Variants in FGF14 observed in about 807,000 individuals in gnomAD.
FGF14 encodes fibroblast growth factor homologous factor 4.
FGF14 carries 5 observed loss-of-function variants against 25.5 expected under a neutral mutation model. That is an observed-to-expected ratio of 0.20 (90% CI 0.10 to 0.41). FGF14 has a LOEUF of 0.41. Ranked by LOEUF, FGF14 falls within the 10% of genes least tolerant of loss-of-function variation. The pLI, the probability that FGF14 is intolerant of heterozygous loss-of-function variation, is 1.00. For missense variants in FGF14, 222 were observed against 320.1 expected (o/e 0.69, Z 2.34); for synonymous variants, 138 against 118.3 (o/e 1.17, Z -1.08).
intron 1 of FGF14, among the ~76,000 whole-genome samples, chr13:102,071,772 G>A (rs2043163568): frequency 6.6e-6 from 1 of 152,050 alleles, no homozygotes; most frequent in Non-Finnish European, 1.5e-5. Flanking sequence ...AGTGGCAGTT[G>A]TTTCTGTTTT....
rs555648623 is a variant in FGF14 at position 101,872,787 on chromosome 13, C to T, written c.304+2399G>A. Among the ~76,000 whole-genome samples the T allele has an allele frequency of 6.5e-4, 99 of 152,144 alleles. No homozygotes were observed. In the Middle Eastern group the frequency reaches 0.027, roughly 42 times the overall value. On this transcript the variant is annotated intron_variant, in intron 2 of 4. Transcript: ENST00000376143. The stretch of plus-strand genomic sequence containing the variant: ...ATGTTGAAATAGTAACAAAACTAAA[C>T]TAACTGGCTTACAGTGCACTTGAAA...
rs1555358150 is a variant in FGF14 at position 102,101,707 on chromosome 13, C to CA, written c.209-226412_209-226411insT. 6.9e-3 allele frequency among the ~76,000 whole-genome samples: 1,015 copies of CA among 147,770 alleles called. 12 individuals are homozygous for CA. Among genetic ancestry groups the CA allele is most frequent in the African/African-American group, 0.023 (942 of 40,558 alleles). ...TCAACATTCTATCAGTTCCCCCCAA[C>CA]TTTTTTTTTTTCTTTGAGATGGAGT... On this transcript the variant is annotated intron_variant, in intron 1 of 4. Coordinates refer to the FGF14 transcript ENST00000376131.
intron 1 of FGF14, among the ~76,000 whole-genome samples, chr13:102,224,253 C>T (rs1198304744): frequency 6.6e-6 from 1 of 152,134 alleles, no homozygotes; most frequent in African/African-American, 2.4e-5. Flanking sequence ...CCCCGTATTA[C>T]ATCGGCAGGG....
chr13:102,017,211 G>C (rs2040394102), intron 1 of FGF14: 2 of 296,088 alleles, frequency 6.8e-6, no homozygotes, highest in South Asian at 1.1e-4. Flanking sequence ...GTTGATTTTT[G>C]GATGTGTGCT....
At chr13:102,342,574 A>T (rs1365509695) in intron 1 of FGF14, among the ~76,000 whole-genome samples, 1 of 152,186 alleles carries the variant, frequency 6.6e-6, no homozygotes, top group Non-Finnish European at 1.5e-5. Flanking sequence ...TATAATACTG[A>T]ACATACTAAT....
chr13:101,948,058 T>C (rs924183467), intron 1 of FGF14, among the ~76,000 whole-genome samples: 23 of 152,214 alleles, frequency 1.5e-4, no homozygotes, highest in African/African-American at 4.3e-4. Flanking sequence ...TTTGAATGGA[T>C]TTCTACTACC....
intron 1 of FGF14, among the ~76,000 whole-genome samples, chr13:102,246,693 A>G (rs998607851): frequency 6.6e-6 from 1 of 151,996 alleles, no homozygotes; most frequent in Admixed American, 6.6e-5. Flanking sequence ...GTTCCTATCA[A>G]ACTACCAATG....
At chr13:101,789,544 T>C (rs2040110343) in intron 3 of FGF14, among the ~76,000 whole-genome samples, 1 of 152,144 alleles carries the variant, frequency 6.6e-6, no homozygotes. Context: ...ATCATAAAGT[T>C]GATTCATGTA....
At chr13:101,976,061 C>T (rs1324591032) in intron 1 of FGF14, among the ~76,000 whole-genome samples, 1 of 152,036 alleles carries the variant, frequency 6.6e-6, no homozygotes, top group Non-Finnish European at 1.5e-5. Flanking sequence ...GAAAATGTTT[C>T]ATTTATTAAA....
intron 1 of FGF14, among the ~76,000 whole-genome samples, chr13:102,388,154 G>C (rs2058349199): frequency 6.6e-6 from 1 of 152,130 alleles, no homozygotes; most frequent in African/African-American, 2.4e-5. Flanking sequence ...TCATTTTGCA[G>C]GGAAATAAAA....
chr13:101,944,109 A>G (rs777609878), intron 1 of FGF14, among the ~76,000 whole-genome samples: 1 of 152,060 alleles, frequency 6.6e-6, no homozygotes, highest in Non-Finnish European at 1.5e-5. Context: ...AGTTGTCTGC[A>G]TATTTTCAAA....
At chr13:102,302,598 A>ATTT (rs1339714125) in intron 1 of FGF14, among the ~76,000 whole-genome samples, 1 of 152,128 alleles carries the variant, frequency 6.6e-6, no homozygotes, top group Non-Finnish European at 1.5e-5. Flanking sequence ...ATCTCTTAAA[A>ATTT]GCTTCTTAAA....
chr13:102,152,182 G>C (rs574429858), intron 1 of FGF14, among the ~76,000 whole-genome samples: 1 of 152,196 alleles, frequency 6.6e-6, no homozygotes, highest in East Asian at 1.9e-4. Context: ...CTAATTTTTT[G>C]CTACTGATGA....
intron 3 of FGF14, among the ~76,000 whole-genome samples, chr13:101,850,507 TATATATAGAATTATATATTC>T (rs2043760828): frequency 3.6e-4 from 2 of 5,604 alleles, no homozygotes; most frequent in Non-Finnish European, 6.6e-4. Context: ...TATATATATA[TATATATAGAATTATATATTC>T]TATATATATA....
At chr13:102,054,658 C>T (rs1187059146) in intron 1 of FGF14, among the ~76,000 whole-genome samples, 1 of 152,164 alleles carries the variant, frequency 6.6e-6, no homozygotes, top group African/African-American at 2.4e-5. Flanking sequence ...AGTATTGCTA[C>T]ATCCTTCAAC....
intron 1 of FGF14, among the ~76,000 whole-genome samples, chr13:102,371,596 G>A (rs2057886638): frequency 6.6e-6 from 1 of 152,074 alleles, no homozygotes. Context: ...TCTGTTTCCA[G>A]AGCTGTATGA....
At chr13:102,102,650 G>A (rs1474738901) in intron 1 of FGF14, among the ~76,000 whole-genome samples, 1 of 152,180 alleles carries the variant, frequency 6.6e-6, no homozygotes, top group Non-Finnish European at 1.5e-5. Flanking sequence ...GTGGGTGACA[G>A]AATCTCCCAT....
intron 3 of FGF14, among the ~76,000 whole-genome samples, chr13:101,796,122 T>C (rs1016671075): frequency 6.6e-6 from 1 of 152,002 alleles, no homozygotes; most frequent in African/African-American, 2.4e-5. Context: ...AATCGTAAAA[T>C]ATAAAGTTCC....
chr13:102,253,305 A>G (rs972537012), intron 1 of FGF14, among the ~76,000 whole-genome samples: 2 of 152,086 alleles, frequency 1.3e-5, no homozygotes, highest in East Asian at 3.9e-4. Flanking sequence ...AAGTGTTCCT[A>G]TTTCTCCACA....
Sources: allele counts gnomAD v4.1 joint callset (sites outside exome capture counted in the v4.1 genomes callset), GRCh38; gene constraint gnomAD v4.1.1; transcripts MANE v1.5; gene names NCBI Gene and HGNC (gene_info 2026-07-23, HGNC 2026-07-21).